Variants in CHN2 observed in about 807,000 individuals in gnomAD.
CHN2 encodes beta-chimaerin.
Under a neutral mutation model 56.3 loss-of-function variants are expected in CHN2, and 35 were observed. That is an observed-to-expected ratio of 0.62 (90% CI 0.47 to 0.82). CHN2 has a LOEUF of 0.82. CHN2 is among the 40% of genes least tolerant of loss of function. The pLI is 0.00. For synonymous variants in CHN2, 210 were observed against 212.8 expected (o/e 0.99, Z 0.12); for missense variants, 491 against 580.5 (o/e 0.85, Z 1.58).
intron 2 of CHN2, among the ~76,000 whole-genome samples, chr7:29,188,644 A>C (rs1329634495): frequency 1.3e-5 from 2 of 152,138 alleles, no homozygotes; most frequent in Non-Finnish European, 2.9e-5. Flanking sequence ...GGCAGAGGAC[A>C]TTCAGAGTAC....
At chr7:29,450,435 G>A (rs762772630) in intron 6 of CHN2, among the ~76,000 whole-genome samples, 11 of 152,186 alleles carry the variant, frequency 7.2e-5, no homozygotes, top group Non-Finnish European at 8.8e-5. Flanking sequence ...TAAGGGAGAG[G>A]CAGAAGGAGA....
intron 1 of CHN2, chr7:29,293,057 C>A: frequency 2.2e-6 from 1 of 455,482 alleles, no homozygotes; most frequent in South Asian, 1.6e-5. Flanking sequence ...TGCCCCACTC[C>A]CCGCTTCCAT....
chr7:29,289,355 TA>T (rs1166140243), intron 1 of CHN2, among the ~76,000 whole-genome samples: 1 of 152,110 alleles, frequency 6.6e-6, no homozygotes, highest in African/African-American at 2.4e-5. Flanking sequence ...TGGCACTCTC[TA>T]ATTCTGCATG....
chr7:29,166,853 C>T lies in CHN2; in HGVS notation c.274+19893C>T, dbSNP rs564648415. ...ATTTTTTGTTTTTCTATTTCCTGTA[C>T]CTTCTTGAACATTTGAAACATATTT... is the stretch of plus-strand genomic sequence containing the variant. On this transcript the variant is annotated intron_variant, in intron 2 of 6. Transcript: ENST00000439384. Among the ~76,000 whole-genome samples the T allele has an allele frequency of 7.2e-5, 11 of 151,944 alleles. No homozygotes were observed. In the South Asian group the frequency reaches 1.9e-3, roughly 26 times the overall value.
At chr7:29,358,276 A>G (rs1798462950) in intron 2 of CHN2, among the ~76,000 whole-genome samples, 1 of 152,126 alleles carries the variant, frequency 6.6e-6, no homozygotes, top group Admixed American at 6.5e-5. Flanking sequence ...CATGCCTTGT[A>G]GTCCTAGCTA....
intron 7 of CHN2, among the ~76,000 whole-genome samples, chr7:29,485,758 G>A (rs1408512403): frequency 6.6e-6 from 1 of 152,110 alleles, no homozygotes; most frequent in African/African-American, 2.4e-5. Flanking sequence ...TGGGCCAGAT[G>A]GTGGAAAGAT....
chr7:29,371,069 C>G (rs528979666), intron 3 of CHN2, among the ~76,000 whole-genome samples: 45 of 152,274 alleles, frequency 3.0e-4, no homozygotes, highest in African/African-American at 1.1e-3. Flanking sequence ...GGTCAAGTGT[C>G]CAATACAGTG....
intron 1 of CHN2, among the ~76,000 whole-genome samples, chr7:29,304,716 CTG>C (rs1343704458): frequency 6.6e-6 from 1 of 152,178 alleles, no homozygotes; most frequent in East Asian, 1.9e-4. Context: ...TTGGAGCAAA[CTG>C]TGTGCTATGT....
chr7:29,508,968 C>A (rs1413813126), intron 11 of CHN2, among the ~76,000 whole-genome samples: 1 of 152,070 alleles, frequency 6.6e-6, no homozygotes, highest in Non-Finnish European at 1.5e-5. Flanking sequence ...ATATTTCTAG[C>A]AAATCTAGTG....
intron 2 of CHN2, among the ~76,000 whole-genome samples, chr7:29,149,215 CAG>C (rs796890637): frequency 0.012 from 1,081 of 89,072 alleles, 17 homozygotes; most frequent in African/African-American, 0.045. Context: ...TTTTTTGAGA[CAG>C]AGTCTTACTG....
intron 3 of CHN2, among the ~76,000 whole-genome samples, chr7:29,385,693 TGAG>T (rs1052111827): frequency 3.3e-5 from 5 of 152,300 alleles, no homozygotes; most frequent in African/African-American, 9.6e-5. Context: ...AAATGTCCCT[TGAG>T]GAGCAGAATC....
intron 6 of CHN2, among the ~76,000 whole-genome samples, chr7:29,416,037 G>A (rs776065982): frequency 6.6e-6 from 1 of 152,160 alleles, no homozygotes; most frequent in East Asian, 1.9e-4. Context: ...CCACGGGGTT[G>A]GATAAATGCG....
At chr7:29,353,890 T>A (rs1798087562) in intron 1 of CHN2, among the ~76,000 whole-genome samples, 1 of 152,232 alleles carries the variant, frequency 6.6e-6, no homozygotes, top group Non-Finnish European at 1.5e-5. Flanking sequence ...ACGACTCTAA[T>A]AACTGCATCA....
chr7:29,289,200 T>G (rs1233054144), intron 1 of CHN2: 1 of 152,258 alleles, frequency 6.6e-6, no homozygotes, highest in Non-Finnish European at 1.5e-5. Flanking sequence ...TTAAAAAAGC[T>G]GTAGCATCTT....
chr7:29,231,378 A>G (rs1420629082), intron 1 of CHN2, among the ~76,000 whole-genome samples: 1 of 152,168 alleles, frequency 6.6e-6, no homozygotes, highest in Non-Finnish European at 1.5e-5. Flanking sequence ...TCGGAGGAGG[A>G]GGATGTTCAA....
chr7:29,432,375 CT>C (rs1782915304), intron 6 of CHN2, among the ~76,000 whole-genome samples: 1 of 152,180 alleles, frequency 6.6e-6, no homozygotes, highest in African/African-American at 2.4e-5. Context: ...AGGCTAATAC[CT>C]TTTCTAGTCT....
chr7:29,237,433 C>A (rs1008749073), intron 1 of CHN2, among the ~76,000 whole-genome samples: 1 of 152,094 alleles, frequency 6.6e-6, no homozygotes. Context: ...CTTTTCAACA[C>A]GTGTTTGTCT....
chr7:29,284,370 C>G (rs1230210436), intron 1 of CHN2, among the ~76,000 whole-genome samples: 1 of 152,242 alleles, frequency 6.6e-6, no homozygotes, highest in Non-Finnish European at 1.5e-5. Context: ...GCTGGGATTA[C>G]AGGCATGAGC....
intron 6 of CHN2, among the ~76,000 whole-genome samples, chr7:29,444,873 T>A (rs917129743): frequency 6.6e-5 from 10 of 152,312 alleles, no homozygotes; most frequent in African/African-American, 2.4e-4. Flanking sequence ...TCATACATTT[T>A]GGGGGTTGTT....
Sources: allele counts gnomAD v4.1 joint callset (sites outside exome capture counted in the v4.1 genomes callset), GRCh38; gene constraint gnomAD v4.1.1; transcripts MANE v1.5; gene names NCBI Gene and HGNC (gene_info 2026-07-23, HGNC 2026-07-21).